The following STK33 variants were observed in gnomAD, a reference collection of about 807,000 sequenced individuals.
STK33 encodes serine/threonine kinase 33.
A neutral mutation model predicts 58.0 loss-of-function variants in STK33; 52 were observed. That is an observed-to-expected ratio of 0.90 (90% CI 0.72 to 1.13). The LOEUF is 1.13. STK33 is among the 50% of genes most tolerant of loss of function. The pLI is 0.00. For missense variants in STK33, 630 were observed against 604.2 expected (o/e 1.04, Z -0.45); for synonymous variants, 215 against 200.1 (o/e 1.07, Z -0.63).
At chr11:8,447,508 G>C (rs1945657203) in intron 11 of STK33, among the ~76,000 whole-genome samples, 1 of 152,028 alleles carries the variant, frequency 6.6e-6, no homozygotes, top group African/African-American at 2.4e-5. Flanking sequence ...ATGTAATCCA[G>C]CATATAAACA....
At chr11:8,483,180 C>T (rs973793833) in intron 1 of STK33, among the ~76,000 whole-genome samples, 1 of 151,834 alleles carries the variant, frequency 6.6e-6, no homozygotes, top group African/African-American at 2.4e-5. Flanking sequence ...AATACTCAAA[C>T]TAAGTCACAA....
intron 1 of STK33, among the ~76,000 whole-genome samples, chr11:8,557,279 G>GA (rs1956820119): frequency 9.1e-6 from 1 of 109,510 alleles, no homozygotes; most frequent in African/African-American, 3.4e-5. Flanking sequence ...GGGGAGGGGA[G>GA]GGGAGGGGAG....
In STK33 at chr11:8,413,172, G is replaced by A. The variant is rs188972254; in HGVS notation, c.1344+323C>T. Among the ~76,000 whole-genome samples the A allele has an allele frequency of 2.0e-5, 3 of 152,262 alleles. No homozygotes were observed. In the East Asian group the frequency reaches 5.8e-4, roughly 29 times the overall value. On this transcript the variant is annotated intron_variant, in intron 15 of 15. Transcript: ENST00000687296. ...CACACTCATTCATTTGTTGTCTATGGCTGTTTTCACGCTACAACGTCAGAG... is the reference window on the plus strand; with the variant it reads ...CACACTCATTCATTTGTTGTCTATGACTGTTTTCACGCTACAACGTCAGAG...
intron 1 of STK33, among the ~76,000 whole-genome samples, chr11:8,553,713 C>T (rs1956530363): frequency 6.6e-6 from 1 of 152,078 alleles, no homozygotes; most frequent in Admixed American, 6.6e-5. Flanking sequence ...AATGGACACC[C>T]TCTTTAATAA....
intron 14 of STK33, among the ~76,000 whole-genome samples, chr11:8,424,861 G>A (rs1166392360): frequency 5.7e-5 from 8 of 139,946 alleles, no homozygotes; most frequent in African/African-American, 1.4e-4. Flanking sequence ...ATTTGTTTGA[G>A]TTCATTATAG....
chr11:8,524,962 T>C (rs765147317), intron 1 of STK33, among the ~76,000 whole-genome samples: 5 of 152,114 alleles, frequency 3.3e-5, no homozygotes, highest in Non-Finnish European at 5.9e-5. Context: ...TCTCCAAATT[T>C]ATTAAGTTGT....
chr11:8,523,493 G>GAGA (rs201915966), intron 1 of STK33, among the ~76,000 whole-genome samples: 5,000 of 151,434 alleles, frequency 0.033, 104 homozygotes, highest in East Asian at 0.079. Flanking sequence ...CGCCCTGTCT[G>GAGA]AGAAGCGAGG....
At chr11:8,350,193 T>C in the STK33 span, among the ~76,000 whole-genome samples, 7 of 152,206 alleles carry the variant, frequency 4.6e-5, no homozygotes, top group Admixed American at 3.9e-4. Context: ...ACGATTTGGA[T>C]CCAGGACTGT....
rs765341588 is a variant in STK33 at position 8,392,721 on chromosome 11, A to G, written c.1345-11T>C. ...TTCATAAGCAGTAGACTGCAAATAA[A>G]AGGTCTTGATTAATTTTCAGACACA... On this transcript the variant is annotated splice_polypyrimidine_tract_variant and intron_variant, in intron 15 of 15. Coordinates refer to ENST00000687296, the MANE Select transcript of STK33 (RefSeq NM_001352389.2). 6.2e-7 allele frequency: 1 copy of G among 1,613,876 alleles called. No individual in the cohort carries two copies. Among genetic ancestry groups the G allele is most frequent in the Admixed American group, 1.7e-5 (1 of 59,990 alleles).
intron 1 of STK33, among the ~76,000 whole-genome samples, chr11:8,529,752 G>T (rs538383143): frequency 6.6e-6 from 1 of 152,222 alleles, no homozygotes; most frequent in South Asian, 2.1e-4. Context: ...TGGATCGCAG[G>T]TGGCTTCTAG....
intron 5 of STK33, among the ~76,000 whole-genome samples, chr11:8,474,333 C>T (rs1949060078): frequency 6.6e-6 from 1 of 152,024 alleles, no homozygotes; most frequent in Non-Finnish European, 1.5e-5. Flanking sequence ...TACTTAACCA[C>T]AACTATAAAT....
At chr11:8,546,594 C>T (rs527274912) in intron 1 of STK33, among the ~76,000 whole-genome samples, 1 of 151,564 alleles carries the variant, frequency 6.6e-6, no homozygotes, top group Non-Finnish European at 1.5e-5. Context: ...TCATCCCCCC[C>T]ACCCTACCCT....
chr11:8,537,722 G>C (rs2140271631), intron 1 of STK33, among the ~76,000 whole-genome samples: 1 of 151,380 alleles, frequency 6.6e-6, no homozygotes, highest in African/African-American at 2.4e-5. Flanking sequence ...GGCCAATATG[G>C]GAGGCTGAAC....
the STK33 span, among the ~76,000 whole-genome samples, chr11:8,344,442 T>G: frequency 2.2e-4 from 33 of 152,206 alleles, no homozygotes; most frequent in Non-Finnish European, 1.3e-4. Flanking sequence ...GGTGCCAATA[T>G]TAGTCCAAGA....
chr11:8,462,468 CACACAT>C (rs1565076776), intron 7 of STK33, among the ~76,000 whole-genome samples: 264 of 146,082 alleles, frequency 1.8e-3, no homozygotes, highest in African/African-American at 6.0e-3. Flanking sequence ...CACACACACA[CACACAT>C]ATATATATAT....
chr11:8,568,512 C>T (rs963168341), intron 1 of STK33, among the ~76,000 whole-genome samples: 3 of 152,118 alleles, frequency 2.0e-5, no homozygotes, highest in African/African-American at 7.2e-5. Context: ...ATTCGCTCTG[C>T]TATTAAAAGT....
intron 1 of STK33, among the ~76,000 whole-genome samples, chr11:8,560,943 T>A (rs893467771): frequency 6.6e-6 from 1 of 152,164 alleles, no homozygotes; most frequent in African/African-American, 2.4e-5. Context: ...CTACTGACTC[T>A]CTCTCCACGA....
intron 15 of STK33, among the ~76,000 whole-genome samples, chr11:8,394,875 T>G (rs1849071027): frequency 1.3e-5 from 2 of 152,166 alleles, no homozygotes. Flanking sequence ...TTTTGTAATT[T>G]TAGTTATTTA....
At chr11:8,339,748 G>A in the STK33 span, among the ~76,000 whole-genome samples, 1 of 152,220 alleles carries the variant, frequency 6.6e-6, no homozygotes, top group Admixed American at 6.5e-5. Flanking sequence ...TCGCCACATC[G>A]GGGAGAGGAC....
Sources: gnomAD v4.1 joint callset for allele counts (sites outside exome capture counted in the v4.1 genomes callset) on GRCh38, gnomAD v4.1.1 for gene constraint, MANE v1.5 for transcripts, NCBI Gene and HGNC (gene_info 2026-07-23, HGNC 2026-07-21) for gene names.